Variants in TPP1 observed in about 807,000 individuals in gnomAD.
The protein encoded by TPP1 is tripeptidyl-peptidase 1.
Under a neutral mutation model 67.6 loss-of-function variants are expected in TPP1, and 43 were observed. The ratio of observed to expected loss-of-function variants is 0.64; its 90% CI spans 0.50 to 0.82. The LOEUF is 0.82. Ranked by LOEUF, TPP1 falls within the 40% of genes least tolerant of loss-of-function variation. The probability of loss-of-function intolerance (pLI) is 0.00; values close to 1 mark genes in which losing one functional copy is unlikely to be tolerated. For missense variants in TPP1, 671 were observed against 710.9 expected (o/e 0.94, Z 0.64); for synonymous variants, 272 against 281.5 (o/e 0.97, Z 0.34).
At position 6,619,191 on chromosome 11, in the gene TPP1, C is replaced by G. The variant is rs746085696; in HGVS notation, c.89+5G>C. On this transcript the variant is annotated splice_donor_5th_base_variant and intron_variant, in intron 2 of 12. Coordinates refer to ENST00000299427, the MANE Select transcript of TPP1 (RefSeq NM_000391.4). ...AAGGGGGCAGTCTGTGCTAAGTCAA[C>G]TCACGTCCTCCGCTGGTCGGGCTCC... 5 of 1,614,120 alleles carry G rather than the reference C, an allele frequency of 3.1e-6. No homozygotes were observed. The highest frequency in any genetic ancestry group is 4.2e-6 in the Non-Finnish European group (5 of 1,180,000).
rs774921716 is a variant in TPP1 at position 6,617,128 on chromosome 11, T to C, written c.534A>G (p.Pro178=). The change falls in exon 6 of 13, where the codon CCA becomes CCG. Residue 178 remains proline (P), a synonymous_variant. Transcript: ENST00000299427. ...CAGGACGTTGCCTCAGGGATGATGTTGGGGGAAAACGGTGCAGTCCCCCCA... is the reference window on the plus strand; with the variant it reads ...CAGGACGTTGCCTCAGGGATGATGTCGGGGGAAAACGGTGCAGTCCCCCCA... ...DFVGGLHRFP[P]TSSLRQRPEP... The C allele has an allele frequency of 1.2e-6, 2 of 1,614,072 alleles. No individual in the cohort carries two copies. The highest frequency in any genetic ancestry group is 4.5e-5 in the East Asian group (2 of 44,880).
At chr11:6,619,130 G>A in intron 2 of TPP1, 66 bp downstream of exon 2, 2 of 1,590,680 alleles carry the variant, frequency 1.3e-6, no homozygotes, top group Admixed American at 1.7e-5. Context: ...AGAGAAGCTA[G>A]GACCAGGACA....
rs776251344 is a variant in TPP1 at position 6,615,023 on chromosome 11, G to A, written c.1426-32C>T. On this transcript the variant is annotated intron_variant, in intron 11 of 12. Coordinates refer to ENST00000299427, the MANE Select transcript of TPP1 (RefSeq NM_000391.4). ...GAGTGAAGGTGCAAGTAGAGGTCAG[G>A]GGTTCTGAGTGATTGGACTTTTTGG... is the stretch of plus-strand genomic sequence containing the variant. 3.1e-6 allele frequency: 5 copies of A among 1,613,984 alleles called. No homozygotes were observed. The Admixed American group carries it at 6.7e-5, about 22-fold the overall frequency.
At position 6,616,990 on chromosome 11, in the gene TPP1, G is replaced by C; in HGVS notation, c.672C>G (p.Ser224Arg). ...CTTGGCTCACCTGGGCACAGGCTTG[G>C]CTGTTATTGCTGGTGCCAGAGCCCA... ...QDVGSGTSNN[S>R]QACAQFLEQY... Residue 224 changes from serine (S) to arginine (R), a missense_variant, in exon 6 of 13, where the codon AGC (serine) becomes AGG (arginine). By Grantham distance (110) the Ser-to-Arg change is moderately radical. Coordinates refer to ENST00000299427, the MANE Select transcript of TPP1 (RefSeq NM_000391.4). The C allele has an allele frequency of 1.2e-6, 2 of 1,614,132 alleles. No individual in the cohort carries two copies. The highest frequency in any genetic ancestry group is 1.7e-6 in the Non-Finnish European group (2 of 1,180,002).
rs1250464665 is a variant in TPP1, at chr11:6,614,889, G to T, written c.1528C>A (p.Gln510Lys). 3.7e-6 allele frequency: 6 copies of T among 1,614,100 alleles called. No homozygotes were observed. Among genetic ancestry groups the T allele is most frequent in the Non-Finnish European group, 5.1e-6 (6 of 1,180,030 alleles). The part of the protein sequence containing the change: ...LGFLNPRLYQ[Q>K]HGAGLFDVTR... ...ACATCAAAGAGTCCTGCCCCATGCT[G>T]CTGGTAGAGCCTTGGGTTGAGAAAG... Residue 510 changes from glutamine (Q) to lysine (K), a missense_variant, in exon 12 of 13, where the codon CAG becomes AAG. Gln to Lys is a moderately conservative substitution (Grantham distance 53, BLOSUM62 1). Coordinates refer to ENST00000299427, the MANE Select transcript of TPP1 (RefSeq NM_000391.4).
In TPP1 at chr11:6,613,077, TAAC is replaced by T. The variant is rs1220920543; in HGVS notation, c.*1466_*1468del. 2.0e-5 allele frequency: 3 copies of T among 152,362 alleles called. No homozygotes were observed. The highest frequency in any genetic ancestry group is 1.5e-5 in the Non-Finnish European group (1 of 68,042). The allele number at this position is 152,362 out of a possible 1,614,324, so 9.4% of individuals were successfully genotyped here. On this transcript the variant is annotated 3_prime_UTR_variant, in exon 13 of 13. Coordinates refer to ENST00000299427, the MANE Select transcript of TPP1 (RefSeq NM_000391.4). ...AAAGGCAGGTATTGATATTCACACT[TAAC>T]AGACGAGGAAACAGCCTCAGGGAGA...
intron 7 of TPP1, 61 bp downstream of exon 7, chr11:6,616,600 G>A: frequency 6.2e-7 from 1 of 1,612,054 alleles, no homozygotes; most frequent in Non-Finnish European, 8.5e-7. Context: ...TCCCTTGAGG[G>A]AGCAGGGATC....
rs890153051 is a variant in TPP1 at position 6,613,686 on chromosome 11, G to C, written c.*860C>G. 2 of 138,064 alleles carry C rather than the reference G, an allele frequency of 1.4e-5. No homozygotes were observed. Among genetic ancestry groups the C allele is most frequent in the African/African-American group, 5.1e-5 (2 of 39,048 alleles). 8.6% of individuals were successfully genotyped at this position (138,064 alleles called of 1,614,324 possible). A position where few individuals can be genotyped will look rare whatever the true frequency, so the allele number is the denominator to read the frequency against. ...ATATATTTAAGATGTGCAGTCAGTAGGACTTGTTGATTGAGGACTTGTTGA... is the reference window on the plus strand; with the variant it reads ...ATATATTTAAGATGTGCAGTCAGTACGACTTGTTGATTGAGGACTTGTTGA... On this transcript the variant is annotated 3_prime_UTR_variant, in exon 13 of 13. Coordinates refer to ENST00000299427, the MANE Select transcript of TPP1 (RefSeq NM_000391.4).
In TPP1 at chr11:6,616,742, C is replaced by T. The variant is rs2134594333; in HGVS notation, c.805G>A (p.Ala269Thr). 6.2e-7 allele frequency: 1 copy of T among 1,614,042 alleles called. No homozygotes were observed. The highest frequency in any genetic ancestry group is 8.5e-7 in the Non-Finnish European group (1 of 1,179,998). The part of the protein sequence containing the change: ...RVVGQQGRGR[A>T]GIEASLDVQY... Reference sequence around the variant, plus strand: ...ACATCTAGACTGGCCTCAATCCCGGCCCGGCCCCGGCCCTGTTGTCCAACC... The same window carrying T: ...ACATCTAGACTGGCCTCAATCCCGGTCCGGCCCCGGCCCTGTTGTCCAACC... The change falls in exon 7 of 13, where the codon GCC becomes ACC. Residue 269 changes from alanine to threonine, a missense_variant. Transcript: ENST00000299427.
At chr11:6,618,193 T>A in intron 3 of TPP1, 1 of 350,616 alleles carries the variant, frequency 2.9e-6, no homozygotes. Context: ...AGTCACTGTT[T>A]CCTGCCATGC....
intron 1 of TPP1, 53 bp downstream of exon 1, chr11:6,619,331 T>G: frequency 6.2e-7 from 1 of 1,614,136 alleles, no homozygotes; most frequent in Non-Finnish European, 8.5e-7. Context: ...ACCCTCCCAA[T>G]GTGTGCTCCC....
At position 6,618,892 on chromosome 11, in the gene TPP1, AG is replaced by A. The variant is rs1266601172; in HGVS notation, c.112del (p.Leu38TrpfsTer10). ...CTCTTCCTCAGGGTCCGCACGGCCC[AG>A]GGACACCCAGCCTGGGGGCAGCCTG... Reference protein sequence around the residue: ...RRTLPPGWVSLGRADPEEELS... With the variant: ...RRTLPPGWVSXGRADPEEELS... On this transcript the variant is annotated frameshift_variant, in exon 3 of 13. Coordinates refer to ENST00000299427, the MANE Select transcript of TPP1 (RefSeq NM_000391.4). LOFTEE classifies it high-confidence loss of function. The A allele has an allele frequency of 6.2e-7, 1 of 1,613,602 alleles. No homozygotes were observed.
rs1194054421 is a variant in TPP1, at chr11:6,613,278, A to AAT, written c.*1266_*1267dup. On this transcript the variant is annotated 3_prime_UTR_variant, in exon 13 of 13. Transcript: ENST00000299427. ...AACTGAGTCTTGCAAGAATTCTGGA[A>AAT]ATTAACCTGGCAGTTGTATCAGGGG... 2.0e-5 allele frequency: 3 copies of AAT among 152,254 alleles called. No individual in the cohort carries two copies. The highest frequency in any genetic ancestry group is 7.2e-5 in the African/African-American group (3 of 41,456). The allele number at this position is 152,254 out of a possible 1,614,324, so 9.4% of individuals were successfully genotyped here.
chr11:6,615,072 C>T, intron 11 of TPP1, 81 bp from the exon 12 acceptor site: 1 of 1,613,266 alleles, frequency 6.2e-7, no homozygotes. Flanking sequence ...AAGTATCAGA[C>T]ATCTCTAAGG....
rs750166461 is a variant in TPP1 at position 6,618,776 on chromosome 11, C to CG, written c.228dup (p.Gly77ArgfsTer11). On this transcript the variant is annotated frameshift_variant and splice_region_variant, in exon 3 of 13. Coordinates refer to ENST00000299427, the MANE Select transcript of TPP1 (RefSeq NM_000391.4). LOFTEE classifies it high-confidence loss of function. Reference sequence around the variant, plus strand: ...TCCTGTCCTCAGTCCCAAAAGGCACCGTATTGAGGAGAGCTGGGATCCGAC... The same window carrying CG: ...TCCTGTCCTCAGTCCCAAAAGGCACCGGTATTGAGGAGAGCTGGGATCCGAC... 6.2e-7 allele frequency: 1 copy of CG among 1,613,716 alleles called. No individual in the cohort carries two copies.
At position 6,615,431 on chromosome 11, in the gene TPP1, AAC is replaced by A. The variant is rs749931209; in HGVS notation, c.1266+9_1266+10del. 6.2e-7 allele frequency: 1 copy of A among 1,614,202 alleles called. No homozygotes were observed. Among genetic ancestry groups the A allele is most frequent in the Non-Finnish European group, 8.5e-7 (1 of 1,180,028 alleles). ...CTCTTACCCTGCATCCATCCACACAAACACACGTACCTGGTATGAAGGCCGTG... is the reference window on the plus strand; with the variant it reads ...CTCTTACCCTGCATCCATCCACACAAACACGTACCTGGTATGAAGGCCGTG... On this transcript the variant is annotated intron_variant, in intron 10 of 12. Coordinates refer to ENST00000299427, the MANE Select transcript of TPP1 (RefSeq NM_000391.4).
rs541622708 is a variant in TPP1 at position 6,613,037 on chromosome 11, T to C, written c.*1509A>G. ...TGTTATCAACATTATTCCACTTTATTCCCTGGTGATTATGAAAGGCAGGTA... is the reference window on the plus strand; with the variant it reads ...TGTTATCAACATTATTCCACTTTATCCCCTGGTGATTATGAAAGGCAGGTA... On this transcript the variant is annotated 3_prime_UTR_variant, in exon 13 of 13. Transcript: ENST00000299427. 6.5e-6 allele frequency: 1 copy of C among 152,676 alleles called. No homozygotes were observed. Among genetic ancestry groups the C allele is most frequent in the African/African-American group, 2.4e-5 (1 of 41,574 alleles). 9.5% of individuals were successfully genotyped at this position (152,676 alleles called of 1,614,324 possible).
rs1273909575 is a variant in TPP1 at position 6,617,376 on chromosome 11, G to C, written c.433C>G (p.Pro145Ala). Residue 145 changes from proline (P) to alanine (A), a missense_variant, in exon 5 of 13, where the codon CCT (proline) becomes GCT (alanine). Coordinates refer to ENST00000299427, the MANE Select transcript of TPP1 (RefSeq NM_000391.4). ...GAEFHHYVGG[P>A]TETHVVRSPH... Reference sequence around the variant, plus strand: ...GACCTTACAACATGGGTTTCCGTAGGTCCTCCCACATAGTGATGAAACTCA... The same window carrying C: ...GACCTTACAACATGGGTTTCCGTAGCTCCTCCCACATAGTGATGAAACTCA... 3 of 1,613,984 alleles carry C rather than the reference G, an allele frequency of 1.9e-6. No individual in the cohort carries two copies. The highest frequency in any genetic ancestry group is 2.7e-5 in the African/African-American group (2 of 74,868).
Position 6,613,123 on chromosome 11 carries a change from GTC to G in TPP1, c.*1421_*1422del, listed in dbSNP as rs1274793415. 1 of 152,196 alleles carries G rather than the reference GTC, an allele frequency of 6.6e-6. No homozygotes were observed. The highest frequency in any genetic ancestry group is 6.5e-5 in the Admixed American group (1 of 15,274). The allele number at this position is 152,196 out of a possible 1,614,324, so 9.4% of individuals were successfully genotyped here. On this transcript the variant is annotated 3_prime_UTR_variant, in exon 13 of 13. Transcript: ENST00000299427. ...CAGGGAGATAAGCTTACTTGACCCA[GTC>G]TCTCTCCTAGTCCATATCAGAACCA...
Sources: gnomAD v4.1 joint callset for allele counts on GRCh38, gnomAD v4.1.1 for gene constraint, MANE v1.5 for transcripts, NCBI Gene and HGNC (gene_info 2026-07-23, HGNC 2026-07-21) for gene names.